Variants in ZNF430 observed in about 807,000 individuals in gnomAD.
ZNF430 encodes zinc finger protein 430.
ZNF430 carries 35 observed loss-of-function variants against 56.7 expected under a neutral mutation model. The observed-to-expected ratio is 0.62, with a 90% CI of 0.47 to 0.82. ZNF430 has a LOEUF of 0.82. Among genes scored for constraint, ZNF430 ranks in the 40% least tolerant of loss-of-function variants. The pLI is 0.00. For synonymous variants in ZNF430, 212 were observed against 224.3 expected, an observed-to-expected ratio of 0.94 and a Z score of 0.49; for missense variants, 574 against 661.0, an observed-to-expected ratio of 0.87 and a Z score of 1.44.
intron 4 of ZNF430, among the ~76,000 whole-genome samples, chr19:21,048,164 CTTTTTTTTTTTTTTTTTTTTTT>C (rs536496163): frequency 1.7e-5 from 1 of 59,780 alleles, no homozygotes; most frequent in Non-Finnish European, 2.9e-5. Context: ...CATAAAACAT[CTTTTTTTTTTTTTTTTTTTTTT>C]TTTTTTTTTT....
At chr19:21,050,918 CTCGGG>C (rs1351808670) in intron 4 of ZNF430, among the ~76,000 whole-genome samples, 1 of 152,020 alleles carries the variant, frequency 6.6e-6, no homozygotes, top group East Asian at 1.9e-4. Flanking sequence ...GTCCTAGCTA[CTCGGG>C]AGGCTGAGGC....
chr19:21,027,532 C>G lies in ZNF430; in HGVS notation c.96+4651C>G, dbSNP rs189554805. On this transcript the variant is annotated intron_variant, in intron 2 of 4. Transcript: ENST00000261560. ...TAGCTTTTTGATGTTCTTCTGAATT[C>G]AGTTTCCCAGTATTTTGTTGATGGT... Among the ~76,000 whole-genome samples the G allele has an allele frequency of 3.1e-3, 470 of 152,108 alleles. 5 individuals are homozygous for G. The highest frequency in any genetic ancestry group is 5.7e-3 in the Non-Finnish European group (389 of 67,984).
chr19:21,030,623 G>GTGT, intron 2 of ZNF430, among the ~76,000 whole-genome samples: 1 of 152,262 alleles, frequency 6.6e-6, no homozygotes, highest in African/African-American at 2.4e-5. Flanking sequence ...AGAAGTATTT[G>GTGT]TGTTGTGACA....
At chr19:21,041,942 G>A (rs1599500349) in intron 4 of ZNF430, among the ~76,000 whole-genome samples, 1 of 152,124 alleles carries the variant, frequency 6.6e-6, no homozygotes, top group Admixed American at 6.5e-5. Flanking sequence ...TTGATCTCCT[G>A]ACCTCGTGAT....
intron 4 of ZNF430, among the ~76,000 whole-genome samples, chr19:21,037,990 T>C (rs1455195457): frequency 1.3e-5 from 2 of 152,172 alleles, no homozygotes; most frequent in African/African-American, 4.8e-5. Context: ...GGAAATATTC[T>C]TACCCATTTT....
intron 4 of ZNF430, among the ~76,000 whole-genome samples, chr19:21,046,052 T>G (rs1292635697): frequency 6.6e-6 from 1 of 152,156 alleles, no homozygotes; most frequent in Non-Finnish European, 1.5e-5. Flanking sequence ...CCAGCCACGG[T>G]GGCTTATGCC....
intron 4 of ZNF430, among the ~76,000 whole-genome samples, chr19:21,042,335 G>T (rs541225773): frequency 6.6e-6 from 1 of 152,252 alleles, no homozygotes; most frequent in African/African-American, 2.4e-5. Context: ...CAGTAATGGG[G>T]TTGCTGGGTC....
At chr19:21,039,305 T>A (rs1240930443) in intron 4 of ZNF430, among the ~76,000 whole-genome samples, 1 of 151,420 alleles carries the variant, frequency 6.6e-6, no homozygotes, top group Non-Finnish European at 1.5e-5. Context: ...ATGTTGCCCA[T>A]GCTAGTTTGG....
At chr19:21,055,550 G>T (rs1371925325) in intron 4 of ZNF430, among the ~76,000 whole-genome samples, 1 of 152,070 alleles carries the variant, frequency 6.6e-6, no homozygotes, top group East Asian at 1.9e-4. Context: ...CTGGGTTCAA[G>T]TGATTCTCCT....
Position 21,056,979 on chromosome 19 carries a change from A to C in ZNF430, c.671A>C (p.Lys224Thr). ...ATGCTTTTACACCTAACTCAACATA[A>C]AAGAATTCATATTAGGGAAAATTCT... ...FCMLLHLTQH[K>T]RIHIRENSYQ... Residue 224 changes from lysine (K) to threonine (T), a missense_variant, in exon 5 of 5, where the codon AAA becomes ACA. Lys to Thr is a moderately conservative substitution (Grantham distance 78, BLOSUM62 -1). Around this residue, in one of 3 missense-constraint regions of ZNF430, gnomAD observed 346 missense variants for 399.1 expected, o/e 0.87. Coordinates refer to ENST00000261560, the MANE Select transcript of ZNF430 (RefSeq NM_025189.4). 1 of 1,614,032 alleles carries C rather than the reference A, an allele frequency of 6.2e-7. No individual in the cohort carries two copies. The highest frequency in any genetic ancestry group is 8.5e-7 in the Non-Finnish European group (1 of 1,179,962).
intron 1 of ZNF430, among the ~76,000 whole-genome samples, chr19:21,021,464 A>G (rs1264533380): frequency 6.6e-6 from 1 of 152,110 alleles, no homozygotes; most frequent in Admixed American, 6.6e-5. Context: ...GCGCCACTGC[A>G]CTACAGCCTG....
Position 21,057,397 on chromosome 19 carries a change from T to C in ZNF430, c.1089T>C (p.His363=). ...AFNQSSTLTT[H]KIIHAGEKPY... ...ACCAATCCTCAACCCTTACTACACATAAGATAATTCATGCTGGAGAGAAAC... is the reference window on the plus strand; with the variant it reads ...ACCAATCCTCAACCCTTACTACACACAAGATAATTCATGCTGGAGAGAAAC... Residue 363 remains histidine, a synonymous_variant, in exon 5 of 5, where the codon CAT becomes CAC. Transcript: ENST00000261560. 6.2e-7 allele frequency: 1 copy of C among 1,613,324 alleles called. No homozygotes were observed. The highest frequency in any genetic ancestry group is 8.5e-7 in the Non-Finnish European group (1 of 1,179,912).
intron 4 of ZNF430, among the ~76,000 whole-genome samples, chr19:21,040,737 G>C (rs892607579): frequency 6.6e-6 from 1 of 151,986 alleles, no homozygotes; most frequent in Non-Finnish European, 1.5e-5. Context: ...TTGCAAATGG[G>C]ATCTTGATGT....
intron 4 of ZNF430, among the ~76,000 whole-genome samples, chr19:21,054,677 T>TTTTTTTTTTTTTTTTTG (rs1968341011): frequency 7.5e-6 from 1 of 133,850 alleles, no homozygotes; most frequent in African/African-American, 2.9e-5. Flanking sequence ...GTCTTTTTTT[T>TTTTTTTTTTTTTTTTTG]TTTTTTTTTT....
At chr19:21,054,519 A>T (rs59498150) in intron 4 of ZNF430, among the ~76,000 whole-genome samples, 7,408 of 152,022 alleles carry the variant, frequency 0.049, 586 homozygotes, top group African/African-American at 0.17. Flanking sequence ...GTGTCATAAG[A>T]CTATGCTTGC....
intron 1 of ZNF430, among the ~76,000 whole-genome samples, chr19:21,021,776 T>A (rs1208954062): frequency 6.6e-6 from 1 of 151,890 alleles, no homozygotes; most frequent in Admixed American, 6.6e-5. Context: ...AGCCTGAATT[T>A]TGTGTCTTTC....
chr19:21,041,273 T>C (rs369855628), intron 4 of ZNF430, among the ~76,000 whole-genome samples: 24 of 152,204 alleles, frequency 1.6e-4, no homozygotes, highest in South Asian at 4.1e-4. Flanking sequence ...CAAATGTGTG[T>C]CGTCACGCCC....
intron 4 of ZNF430, among the ~76,000 whole-genome samples, chr19:21,038,419 A>G (rs1968042278): frequency 6.6e-6 from 1 of 151,844 alleles, no homozygotes; most frequent in South Asian, 2.1e-4. Context: ...TTGTTACTGT[A>G]GCTTCTAATT....
At chr19:21,046,080 G>T (rs540109356) in intron 4 of ZNF430, among the ~76,000 whole-genome samples, 247 of 152,174 alleles carry the variant, frequency 1.6e-3, no homozygotes, top group African/African-American at 5.7e-3. Flanking sequence ...CCAGCACTTT[G>T]GGAGGCTGAG....
Sources: gnomAD v4.1 joint callset for allele counts (sites outside exome capture counted in the v4.1 genomes callset) on GRCh38, gnomAD v4.1.1 for gene constraint, gnomAD v4.1.1 regional missense constraint, MANE v1.5 for transcripts, NCBI Gene and HGNC (gene_info 2026-07-23, HGNC 2026-07-21) for gene names.